PTGES3L: variants seen among roughly 807,000 people sequenced by gnomAD.
PTGES3L encodes the protein putative protein PTGES3L.
In PTGES3L, 17 loss-of-function variants were observed where a neutral mutation model predicts 25.0. The observed-to-expected ratio is 0.68, with a 90% CI of 0.47 to 1.02. The LOEUF (loss-of-function observed/expected upper bound fraction) is 1.02. Ranked by LOEUF, PTGES3L falls within the 50% of genes least tolerant of loss-of-function variation. The probability of loss-of-function intolerance (pLI) is 0.00; values close to 1 mark genes in which losing one functional copy is unlikely to be tolerated. For synonymous variants in PTGES3L, 59 were observed against 65.7 expected, an observed-to-expected ratio of 0.90 and a Z score of 0.50; for missense variants, 202 against 197.5, an observed-to-expected ratio of 1.02 and a Z score of -0.14.
chr17:42,969,678 A>C (rs1021626135), intron 6 of PTGES3L, among the ~76,000 whole-genome samples: 1 of 151,962 alleles, frequency 6.6e-6, no homozygotes, highest in Non-Finnish European at 1.5e-5. Context: ...CTGGGATTAC[A>C]GGCGTGAGCC....
Position 42,970,310 on chromosome 17 carries a change from T to TG in PTGES3L, c.410dup (p.Pro138ThrfsTer5). On this transcript the variant is annotated frameshift_variant, in exon 6 of 7. Transcript: ENST00000591916. LOFTEE classifies it high-confidence loss of function. ...TTACATCCAAATCATCCATGGCAGG[T>TG]GGAGGTCTCTTGGTGCTGACCTTCT... 6.2e-7 allele frequency: 1 copy of TG among 1,613,754 alleles called. No individual in the cohort carries two copies. Among genetic ancestry groups the TG allele is most frequent in the Non-Finnish European group, 8.5e-7 (1 of 1,179,874 alleles).
At chr17:42,974,915 G>C (rs1313728982) in intron 4 of PTGES3L, among the ~76,000 whole-genome samples, 1 of 151,702 alleles carries the variant, frequency 6.6e-6, no homozygotes, top group Non-Finnish European at 1.5e-5. Flanking sequence ...CACATCAATT[G>C]CTTGAGCCCA....
At chr17:42,975,204 T>C (rs2049933179) in intron 4 of PTGES3L, among the ~76,000 whole-genome samples, 1 of 143,864 alleles carries the variant, frequency 7.0e-6, no homozygotes, top group African/African-American at 2.6e-5. Context: ...GGGAGGGAGA[T>C]ATAAATAAAG....
At chr17:42,972,187 C>CAAAAA (rs10598383) in intron 4 of PTGES3L, 1 of 55,044 alleles carries the variant, frequency 1.8e-5, no homozygotes, top group African/African-American at 5.6e-5. Flanking sequence ...GACTGCATCT[C>CAAAAA]AAAAAAAAAA....
In PTGES3L at chr17:42,969,113, C is replaced by T. The variant is rs1241495446; in HGVS notation, c.*35G>A. ...GCTTTCTAGAACAACTGGAAAATAG[C>T]CACAGCTGCCTTCCCAGCTTTGCGT... On this transcript the variant is annotated 3_prime_UTR_variant, in exon 7 of 7. Coordinates refer to ENST00000591916, the MANE Select transcript of PTGES3L (RefSeq NM_001261430.2). The T allele has an allele frequency of 6.6e-7, 1 of 1,516,346 alleles. No homozygotes were observed. The highest frequency in any genetic ancestry group is 9.0e-7 in the Non-Finnish European group (1 of 1,115,804). The allele number at this position is 1,516,346 out of a possible 1,614,324, so 93.9% of individuals were successfully genotyped here. A position where few individuals can be genotyped will look rare whatever the true frequency, so the allele number is the denominator to read the frequency against.
At chr17:42,975,869 G>A (rs921294316) in intron 4 of PTGES3L, among the ~76,000 whole-genome samples, 1 of 151,996 alleles carries the variant, frequency 6.6e-6, no homozygotes, top group African/African-American at 2.4e-5. Context: ...TAGAGACGGG[G>A]TTTCACCACG....
At chr17:42,979,071 G>T in intron 4 of PTGES3L, 99 bp downstream of exon 4, 2 of 1,228,830 alleles carry the variant, frequency 1.6e-6, no homozygotes, top group Non-Finnish European at 2.4e-6. Flanking sequence ...GGCAGGACTT[G>T]TTGAGTGATT....
chr17:42,970,676 GCACACACACACACACACACACA>G (rs57542042), intron 5 of PTGES3L, among the ~76,000 whole-genome samples: 8 of 144,092 alleles, frequency 5.6e-5, no homozygotes, highest in Non-Finnish European at 3.0e-5. Context: ...CTTAACACGC[GCACACACACACACACACACACA>G]CACACACACA....
chr17:42,971,929 C>T (rs2049844612), intron 4 of PTGES3L: 1 of 464,154 alleles, frequency 2.2e-6, no homozygotes, highest in African/African-American at 2.0e-5. Context: ...GTGGCTCATG[C>T]CTGTAATCTC....
intron 4 of PTGES3L, among the ~76,000 whole-genome samples, chr17:42,974,014 A>T (rs1317128646): frequency 7.0e-6 from 1 of 143,000 alleles, no homozygotes; most frequent in African/African-American, 2.5e-5. Flanking sequence ...AAAAAAAAAT[A>T]AAAATAAAAA....
At chr17:42,975,578 T>C (rs914210276) in intron 4 of PTGES3L, among the ~76,000 whole-genome samples, 3 of 152,122 alleles carry the variant, frequency 2.0e-5, no homozygotes, top group African/African-American at 7.2e-5. Context: ...AGGGAGGTAA[T>C]GAAAAGGAGC....
chr17:42,969,265 CCT>C, intron 6 of PTGES3L, 79 bp from the exon 7 acceptor site: 1 of 862,736 alleles, frequency 1.2e-6, no homozygotes, highest in South Asian at 1.9e-5. Context: ...AATACTGCTT[CCT>C]CTCTCCTGTT....
intron 4 of PTGES3L, 131 bp downstream of exon 4, chr17:42,979,039 T>C (rs2050019285): frequency 9.8e-6 from 9 of 916,230 alleles, no homozygotes; most frequent in Non-Finnish European, 1.6e-5. Flanking sequence ...GAGAGACTAA[T>C]ACAGTTGGAA....
At chr17:42,970,637 T>C (rs2049815919) in intron 5 of PTGES3L, among the ~76,000 whole-genome samples, 1 of 151,408 alleles carries the variant, frequency 6.6e-6, no homozygotes. Context: ...TTTATACTGC[T>C]AGTTTTAACA....
chr17:42,973,808 G>A lies in PTGES3L; in HGVS notation c.289-2112C>T, dbSNP rs1234678065. Reference sequence around the variant, plus strand: ...TGCTTGAAGGCAGCATGCTCGTTAAGAGTCATCACCACTCCCTAATCTCAA... The same window carrying A: ...TGCTTGAAGGCAGCATGCTCGTTAAAAGTCATCACCACTCCCTAATCTCAA... On this transcript the variant is annotated intron_variant, in intron 4 of 6. Transcript: ENST00000591916. Among the ~76,000 whole-genome samples, 13 of 146,190 alleles carry A rather than the reference G, an allele frequency of 8.9e-5. No homozygotes were observed. The East Asian group carries it at 2.2e-3, about 25-fold the overall frequency.
Position 42,971,588 on chromosome 17 carries a change from A to G in PTGES3L, c.378+19T>C. On this transcript the variant is annotated intron_variant, in intron 5 of 6. Coordinates refer to ENST00000591916, the MANE Select transcript of PTGES3L (RefSeq NM_001261430.2). ...AAGAATGATCAAGTGGGCAGAACACAGTAGGTGTTGTCTCTCACCTCTGCA... is the reference window on the plus strand; with the variant it reads ...AAGAATGATCAAGTGGGCAGAACACGGTAGGTGTTGTCTCTCACCTCTGCA... 6.2e-7 allele frequency: 1 copy of G among 1,612,224 alleles called. No individual in the cohort carries two copies. The highest frequency in any genetic ancestry group is 8.5e-7 in the Non-Finnish European group (1 of 1,178,432).
chr17:42,970,426 T>C (rs2670866), intron 5 of PTGES3L, 84 bp from the exon 6 acceptor site: 1,529,844 of 1,535,346 alleles, frequency 1, 762,323 homozygotes, highest in East Asian at 1. Flanking sequence ...GAAGAATGGT[T>C]GCAGCCAGAA....
rs1395019116 is a variant in PTGES3L, at chr17:42,979,534, A to C, written c.122+16T>G. 2 of 1,614,118 alleles carry C rather than the reference A, an allele frequency of 1.2e-6. No homozygotes were observed. Among genetic ancestry groups the C allele is most frequent in the Non-Finnish European group, 8.5e-7 (1 of 1,179,984 alleles). On this transcript the variant is annotated intron_variant, in intron 2 of 6. Transcript: ENST00000591916. Reference sequence around the variant, plus strand: ...GATTCCTGGGAAGCCAGGCCCTCGGACGGCAGGGCCACTACCTGAACACAA... The same window carrying C: ...GATTCCTGGGAAGCCAGGCCCTCGGCCGGCAGGGCCACTACCTGAACACAA...
chr17:42,977,896 T>C (rs1425455188), intron 4 of PTGES3L, among the ~76,000 whole-genome samples: 2 of 151,146 alleles, frequency 1.3e-5, no homozygotes, highest in Non-Finnish European at 3.0e-5. Flanking sequence ...CTGGCCAACA[T>C]GTTGAAACAC....
Sources: allele counts gnomAD v4.1 joint callset (sites outside exome capture counted in the v4.1 genomes callset), GRCh38; gene constraint gnomAD v4.1.1; transcripts MANE v1.5; gene names NCBI Gene and HGNC (gene_info 2026-07-23, HGNC 2026-07-21).